Variants in RILPL1 observed in about 807,000 individuals in gnomAD.
RILPL1 encodes the protein Rab interacting lysosomal protein like 1.
A neutral mutation model predicts 50.3 loss-of-function variants in RILPL1; 33 were observed. The ratio of observed to expected loss-of-function variants is 0.66; its 90% CI spans 0.50 to 0.88. The LOEUF (loss-of-function observed/expected upper bound fraction) is 0.88. Among genes scored for constraint, RILPL1 ranks in the 40% least tolerant of loss-of-function variants. The pLI, the probability that RILPL1 is intolerant of heterozygous loss-of-function variation, is 0.00. For missense variants in RILPL1, 418 were observed against 542.5 expected (o/e 0.77, Z 2.28); for synonymous variants, 205 against 228.6 (o/e 0.90, Z 0.93).
Position 123,485,811 on chromosome 12 carries a change from G to A in RILPL1, c.802-6C>T. On this transcript the variant is annotated splice_polypyrimidine_tract_variant and splice_region_variant and intron_variant, in intron 4 of 6. Coordinates refer to ENST00000376874, the MANE Select transcript of RILPL1 (RefSeq NM_178314.5). This position sits in a 1 kb window ranked among gnomAD's most constrained non-coding sequence, Gnocchi z 4.0. The stretch of plus-strand genomic sequence containing the variant: ...TCCTCTCCCACCGGCTCCGTCTGGA[G>A]GAGGCAGAGATGCTGCTAATGAATT... The A allele has an allele frequency of 6.3e-7, 1 of 1,599,784 alleles. No individual in the cohort carries two copies. The highest frequency in any genetic ancestry group is 8.5e-7 in the Non-Finnish European group (1 of 1,173,814).
chr12:123,521,511 A>G (rs2139381701), intron 2 of RILPL1, among the ~76,000 whole-genome samples: 1 of 146,252 alleles, frequency 6.8e-6, no homozygotes, highest in Non-Finnish European at 1.5e-5. Context: ...ATATGTTTTT[A>G]TAAATTTATA....
chr12:123,475,081 AT>A (rs1211186953), intron 6 of RILPL1: 1 of 153,648 alleles, frequency 6.5e-6, no homozygotes, highest in African/African-American at 2.4e-5. Flanking sequence ...AGCTCCTTCC[AT>A]AGAGTAATCC....
chr12:123,517,302 T>C (rs977730840), intron 2 of RILPL1, among the ~76,000 whole-genome samples: 3 of 152,074 alleles, frequency 2.0e-5, no homozygotes, highest in African/African-American at 7.2e-5. Flanking sequence ...TGCAGAACTA[T>C]GAGAGTAAAC....
Position 123,498,427 on chromosome 12 carries a change from T to A in RILPL1, c.801+117A>T. The A allele has an allele frequency of 1.2e-6, 1 of 840,742 alleles. No homozygotes were observed. The highest frequency in any genetic ancestry group is 1.9e-6 in the Non-Finnish European group (1 of 526,760). 52.1% of individuals were successfully genotyped at this position (840,742 alleles called of 1,614,324 possible). On this transcript the variant is annotated intron_variant, in intron 4 of 6. Transcript: ENST00000376874. This position sits in a 1 kb window ranked among gnomAD's most constrained non-coding sequence, Gnocchi z 4.3. Reference sequence around the variant, plus strand: ...GTAGAGAATTGGGGTCTTGCTATGTTGCCCAGGTTGGCCATTTTCTGAAGT... The same window carrying A: ...GTAGAGAATTGGGGTCTTGCTATGTAGCCCAGGTTGGCCATTTTCTGAAGT...
Position 123,495,809 on chromosome 12 carries a change from T to C in RILPL1, c.801+2735A>G, listed in dbSNP as rs557026171. ...AATTCTTCTGCCTCAGCCTCCCGAG[T>C]AGCTGGGACTACAGGCGCACACCAC... is the stretch of plus-strand genomic sequence containing the variant. On this transcript the variant is annotated intron_variant, in intron 4 of 6. Transcript: ENST00000376874. Among the ~76,000 whole-genome samples the C allele has an allele frequency of 3.4e-5, 5 of 148,040 alleles. 1 individual carries two copies. The highest frequency in any genetic ancestry group is 1.3e-4 in the African/African-American group (5 of 39,860).
intron 2 of RILPL1, among the ~76,000 whole-genome samples, chr12:123,519,071 A>G (rs1304981061): frequency 1.3e-5 from 2 of 149,464 alleles, no homozygotes; most frequent in African/African-American, 2.4e-5. Flanking sequence ...AAAAAAAAAA[A>G]AAAGAAAAGA....
chr12:123,496,729 G>A (rs376161377), intron 4 of RILPL1, among the ~76,000 whole-genome samples: 1 of 152,338 alleles, frequency 6.6e-6, no homozygotes, highest in African/African-American at 2.4e-5. Flanking sequence ...CACCCTCTGT[G>A]TTCCTGGCAC....
chr12:123,500,712 C>T (rs571031503), intron 2 of RILPL1, among the ~76,000 whole-genome samples: 1 of 152,276 alleles, frequency 6.6e-6, no homozygotes, highest in African/African-American at 2.4e-5. Flanking sequence ...CCTCAGTTTC[C>T]ACCCTATAAA....
intron 2 of RILPL1, among the ~76,000 whole-genome samples, chr12:123,523,186 C>G (rs982084716): frequency 2.6e-5 from 4 of 152,248 alleles, no homozygotes; most frequent in African/African-American, 9.6e-5. Flanking sequence ...GCACAGCACA[C>G]AAGCTTCCCA....
chr12:123,477,342 T>C (rs1029254632), intron 6 of RILPL1, among the ~76,000 whole-genome samples: 24 of 135,088 alleles, frequency 1.8e-4, no homozygotes, highest in African/African-American at 4.3e-4. Flanking sequence ...TCTTTCTTTT[T>C]TTTTTTTTTT....
intron 6 of RILPL1, among the ~76,000 whole-genome samples, chr12:123,481,319 A>T (rs1316396618): frequency 6.6e-6 from 1 of 151,164 alleles, no homozygotes; most frequent in Non-Finnish European, 1.5e-5. Flanking sequence ...AGATTGTGCC[A>T]CTGCACTCCA....
intron 2 of RILPL1, chr12:123,514,230 C>A (rs1336281785): frequency 1.3e-5 from 2 of 152,020 alleles, no homozygotes; most frequent in Non-Finnish European, 2.9e-5. Context: ...AGTGTGATTT[C>A]ATCGATAGGA....
Position 123,478,368 on chromosome 12 carries a change from C to T in RILPL1, c.1068-5686G>A, listed in dbSNP as rs182842192. 2.1e-3 allele frequency among the ~76,000 whole-genome samples: 318 copies of T among 152,092 alleles called. 2 individuals carry two copies. The highest frequency in any genetic ancestry group is 7.6e-4 in the Non-Finnish European group (52 of 67,994). On this transcript the variant is annotated intron_variant, in intron 6 of 6. Transcript: ENST00000376874. ...CCTTACTATTCCAGGGGCTGCCCTG[C>T]GGAAGCCATCTCCTCTAGAGGTACA...
In RILPL1 at chr12:123,533,037, TC is replaced by T; in HGVS notation, c.309+136del. ...GGGCAAAAGAAGGCCAGGGCCTCCC[TC>T]CCTCCCCACGTCGGGTCTCCTCTGG... On this transcript the variant is annotated intron_variant, in intron 1 of 6. Transcript: ENST00000376874. This position sits in a 1 kb window ranked among gnomAD's most constrained non-coding sequence, Gnocchi z 6.2. 1.1e-6 allele frequency: 1 copy of T among 941,700 alleles called. No homozygotes were observed. Among genetic ancestry groups the T allele is most frequent in the South Asian group, 1.8e-5 (1 of 56,076 alleles). The allele number at this position is 941,700 out of a possible 1,614,324, so 58.3% of individuals were successfully genotyped here. A position where few individuals can be genotyped will look rare whatever the true frequency, so the allele number is the denominator to read the frequency against.
In RILPL1 at chr12:123,472,593, G is replaced by A. The variant is rs778398997; in HGVS notation, c.1157C>T (p.Thr386Ile). 11 of 1,566,156 alleles carry A rather than the reference G, an allele frequency of 7.0e-6. No individual in the cohort carries two copies. Among genetic ancestry groups the A allele is most frequent in the Non-Finnish European group, 8.7e-7 (1 of 1,155,118 alleles). ...IQESFGQWAN[T>I]HRDDGYTEQG... is the part of the protein sequence containing the mutation. ...CTCTGTGTAACCGTCATCGCGGTGG[G>A]TGTTTGCCCACTGTCCAAAGGACTC... The change falls in exon 7 of 7, where the codon ACC becomes ATC. Residue 386 changes from threonine to isoleucine, a missense_variant. Coordinates refer to ENST00000376874, the MANE Select transcript of RILPL1 (RefSeq NM_178314.5).
chr12:123,482,607 C>CCT (rs752693139), intron 6 of RILPL1, among the ~76,000 whole-genome samples: 1 of 150,776 alleles, frequency 6.6e-6, no homozygotes, highest in Non-Finnish European at 1.5e-5. Context: ...CTTTTTTATC[C>CCT]CTCTCTCTCT....
intron 2 of RILPL1, among the ~76,000 whole-genome samples, chr12:123,499,750 C>G (rs1342292505): frequency 6.6e-6 from 1 of 152,080 alleles, no homozygotes; most frequent in East Asian, 1.9e-4. Flanking sequence ...CTTGAGGCCT[C>G]TTCCTTGCCC....
intron 1 of RILPL1, among the ~76,000 whole-genome samples, chr12:123,526,533 G>A (rs1341260110): frequency 6.6e-6 from 1 of 152,228 alleles, no homozygotes; most frequent in African/African-American, 2.4e-5. Flanking sequence ...AAAGCGCCTG[G>A]AATATGCCCG....
intron 2 of RILPL1, among the ~76,000 whole-genome samples, chr12:123,504,198 A>G (rs1026939017): frequency 6.6e-6 from 1 of 152,062 alleles, no homozygotes; most frequent in African/African-American, 2.4e-5. Flanking sequence ...GCCAGGCTCA[A>G]TCCGAGGTGA....
Sources: gnomAD v4.1 joint callset for allele counts (sites outside exome capture counted in the v4.1 genomes callset) on GRCh38, gnomAD v4.1.1 for gene constraint, Gnocchi (gnomAD v3.1) non-coding constraint, MANE v1.5 for transcripts, NCBI Gene and HGNC (gene_info 2026-07-23, HGNC 2026-07-21) for gene names.